The following FOXO3 variants were observed in gnomAD, a reference collection of about 807,000 sequenced individuals.
The protein encoded by FOXO3 is forkhead box O3.
Under a neutral mutation model 41.9 loss-of-function variants are expected in FOXO3, and 4 were observed. The ratio of observed to expected loss-of-function variants is 0.10; its 90% CI spans 0.05 to 0.22. The LOEUF (loss-of-function observed/expected upper bound fraction) is 0.22. Ranked by LOEUF, FOXO3 falls within the 10% of genes least tolerant of loss-of-function variation. The pLI, the probability that FOXO3 is intolerant of heterozygous loss-of-function variation, is 1.00. For missense variants in FOXO3, 534 were observed against 906.8 expected (o/e 0.59, Z 5.28); for synonymous variants, 318 against 389.3 (o/e 0.82, Z 2.16).
intron 2 of FOXO3, among the ~76,000 whole-genome samples, chr6:108,667,667 A>G (rs768362221): frequency 2.0e-5 from 3 of 152,230 alleles, no homozygotes; most frequent in Non-Finnish European, 4.4e-5. Context: ...TGGTGATGAT[A>G]ATAAATGACT....
intron 1 of FOXO3, among the ~76,000 whole-genome samples, chr6:108,601,174 A>AT (rs541569794): frequency 0.018 from 2,587 of 146,972 alleles, 46 homozygotes; most frequent in South Asian, 0.056. Flanking sequence ...TGCCCGGCTA[A>AT]TTTTTTTTTT....
chr6:108,605,430 T>TC (rs1393767087), intron 1 of FOXO3, among the ~76,000 whole-genome samples: 1 of 152,232 alleles, frequency 6.6e-6, no homozygotes, highest in Admixed American at 6.5e-5. Context: ...CTATTTTTTT[T>TC]CATTTTATTT....
At chr6:108,637,998 A>C (rs536751168) in intron 1 of FOXO3, among the ~76,000 whole-genome samples, 1 of 152,372 alleles carries the variant, frequency 6.6e-6, no homozygotes, top group East Asian at 1.9e-4. Flanking sequence ...TATACTTAGA[A>C]GAAAAAAATG....
chr6:108,661,212 A>C (rs1582825319), intron 1 of FOXO3, among the ~76,000 whole-genome samples: 1 of 152,114 alleles, frequency 6.6e-6, no homozygotes, highest in African/African-American at 2.4e-5. Context: ...ATTGCACTCC[A>C]GCCTGGGTGA....
At chr6:108,575,938 T>G (rs1776249487) in intron 1 of FOXO3, among the ~76,000 whole-genome samples, 1 of 152,230 alleles carries the variant, frequency 6.6e-6, no homozygotes, top group South Asian at 2.1e-4. Context: ...GCATCATTTA[T>G]GTAACCCTGA....
At chr6:108,653,150 C>T (rs897227290) in intron 1 of FOXO3, among the ~76,000 whole-genome samples, 4 of 152,224 alleles carry the variant, frequency 2.6e-5, no homozygotes, top group Non-Finnish European at 2.9e-5. Context: ...GCAGTGGAAG[C>T]TTACTTCCAT....
intron 1 of FOXO3, among the ~76,000 whole-genome samples, chr6:108,615,170 A>G (rs915160963): frequency 1.3e-5 from 2 of 152,058 alleles, no homozygotes; most frequent in Admixed American, 6.5e-5. Flanking sequence ...AATATTGTCT[A>G]TATTTACTCA....
chr6:108,647,598 A>G (rs898378823), intron 1 of FOXO3, among the ~76,000 whole-genome samples: 5 of 152,238 alleles, frequency 3.3e-5, no homozygotes, highest in African/African-American at 1.2e-4. Context: ...TAATTATCAA[A>G]GAGCACATTA....
At chr6:108,676,754 A>G (rs917368710) in intron 2 of FOXO3, among the ~76,000 whole-genome samples, 4 of 151,914 alleles carry the variant, frequency 2.6e-5, no homozygotes, top group African/African-American at 9.7e-5. Flanking sequence ...TGCTCCCTCT[A>G]CTCTTTCTGT....
rs1275429857 is a variant in FOXO3 at position 108,681,126 on chromosome 6, G to T, written c.*1334G>T. The T allele has an allele frequency of 6.6e-6, 1 of 152,590 alleles. No homozygotes were observed. Among genetic ancestry groups the T allele is most frequent in the African/African-American group, 2.4e-5 (1 of 41,440 alleles). 9.5% of individuals were successfully genotyped at this position (152,590 alleles called of 1,614,324 possible). A position where few individuals can be genotyped will look rare whatever the true frequency, so the allele number is the denominator to read the frequency against. On this transcript the variant is annotated 3_prime_UTR_variant, in exon 3 of 3. Coordinates refer to ENST00000406360, the MANE Select transcript of FOXO3 (RefSeq NM_001455.4). ...TTATGGTGCTGTATAGGTGCTTTCT[G>T]TTTAACCTGGAAAGTGTGATTATAT...
At chr6:108,639,945 T>C (rs1358573472) in intron 1 of FOXO3, among the ~76,000 whole-genome samples, 1 of 152,206 alleles carries the variant, frequency 6.6e-6, no homozygotes, top group Admixed American at 6.5e-5. Flanking sequence ...TACAGTCTCC[T>C]TGGAGGGGCA....
intron 2 of FOXO3, among the ~76,000 whole-genome samples, chr6:108,673,079 G>A (rs573402901): frequency 2.0e-5 from 3 of 152,300 alleles, no homozygotes; most frequent in South Asian, 2.1e-4. Flanking sequence ...CAGCAATACC[G>A]CCCAACGTAG....
intron 1 of FOXO3, among the ~76,000 whole-genome samples, chr6:108,586,267 TA>T (rs1776577544): frequency 6.6e-6 from 1 of 152,226 alleles, no homozygotes; most frequent in Non-Finnish European, 1.5e-5. Flanking sequence ...AAAAGGGACA[TA>T]AGATTAGCTT....
rs754308130 is a variant in FOXO3 at position 108,645,458 on chromosome 6, C to CT, written c.622-17982dup. On this transcript the variant is annotated intron_variant, in intron 1 of 2. Coordinates refer to ENST00000406360, the MANE Select transcript of FOXO3 (RefSeq NM_001455.4). ...TTTTTGTCTTGAATCCCCAGAATTG[C>CT]TTTTTTTTTTTTTTTCTTGAAATCC... Among the ~76,000 whole-genome samples the CT allele has an allele frequency of 5.5e-3, 784 of 141,352 alleles. 3 individuals carry two copies. The highest frequency in any genetic ancestry group is 0.018 in the South Asian group (82 of 4,522). The allele number at this position is 141,352 out of a possible 152,430, so 92.7% of individuals were successfully genotyped here.
chr6:108,640,700 G>A (rs1256758800), intron 1 of FOXO3, among the ~76,000 whole-genome samples: 1 of 152,054 alleles, frequency 6.6e-6, no homozygotes, highest in Non-Finnish European at 1.5e-5. Context: ...GAAAATTTGG[G>A]TGATTAATCA....
intron 2 of FOXO3, among the ~76,000 whole-genome samples, chr6:108,671,897 TGAG>T (rs1359539736): frequency 6.6e-6 from 1 of 152,220 alleles, no homozygotes; most frequent in African/African-American, 2.4e-5. Flanking sequence ...CAAATGGTGT[TGAG>T]GAGAGCTGTT....
chr6:108,638,426 G>C (rs933014090), intron 1 of FOXO3, among the ~76,000 whole-genome samples: 1 of 152,146 alleles, frequency 6.6e-6, no homozygotes, highest in African/African-American at 2.4e-5. Context: ...AGGAAGTGTG[G>C]GTCCTGACCC....
At chr6:108,588,587 C>T (rs1480785665) in intron 1 of FOXO3, among the ~76,000 whole-genome samples, 4 of 152,180 alleles carry the variant, frequency 2.6e-5, no homozygotes, top group Non-Finnish European at 5.9e-5. Context: ...TGCCTTATAT[C>T]CCCTAGATTC....
chr6:108,580,971 T>G (rs1275162950), intron 1 of FOXO3, among the ~76,000 whole-genome samples: 1 of 152,230 alleles, frequency 6.6e-6, no homozygotes, highest in Non-Finnish European at 1.5e-5. Context: ...ACCCAGCTCA[T>G]CTTTCACAGA....
Sources: gnomAD v4.1 joint callset for allele counts (sites outside exome capture counted in the v4.1 genomes callset) on GRCh38, gnomAD v4.1.1 for gene constraint, MANE v1.5 for transcripts, NCBI Gene and HGNC (gene_info 2026-07-23, HGNC 2026-07-21) for gene names.